The following KCNMA1 variants were observed in gnomAD, a reference collection of about 807,000 sequenced individuals.
The protein encoded by KCNMA1 is potassium calcium-activated channel subfamily M alpha 1, also known as Calcium-activated potassium channel subunit alpha-1.
In KCNMA1, 29 loss-of-function variants were observed where a neutral mutation model predicts 140.0. The observed-to-expected ratio is 0.21, with a 90% CI of 0.15 to 0.28. The LOEUF (loss-of-function observed/expected upper bound fraction) is 0.28, where lower values mean the gene tolerates loss of function less well. Ranked by LOEUF, KCNMA1 falls within the 10% of genes least tolerant of loss-of-function variation. KCNMA1 has a pLI of 1.00. For synonymous variants in KCNMA1, 612 were observed against 611.9 expected (o/e 1.00, Z 0.00); for missense variants, 880 against 1,602.2 (o/e 0.55, Z 7.70).
intron 1 of KCNMA1, among the ~76,000 whole-genome samples, chr10:77,567,876 G>C (rs1422407160): frequency 2.0e-5 from 3 of 152,182 alleles, no homozygotes; most frequent in Non-Finnish European, 4.4e-5. Flanking sequence ...TGGACTGCTT[G>C]AGCTCAGGAG....
chr10:77,134,072 T>A (rs549832289), intron 5 of KCNMA1, among the ~76,000 whole-genome samples: 75 of 152,174 alleles, frequency 4.9e-4, no homozygotes, highest in Non-Finnish European at 8.1e-4. Context: ...ATAATGGAAA[T>A]AAGTTTGAGA....
intron 1 of KCNMA1, among the ~76,000 whole-genome samples, chr10:77,419,123 G>T (rs2096809447): frequency 6.6e-6 from 1 of 152,184 alleles, no homozygotes; most frequent in Non-Finnish European, 1.5e-5. Context: ...TTACTGCTCA[G>T]CTACTGCACT....
chr10:76,893,609 G>A (rs1446259458), intron 25 of KCNMA1, among the ~76,000 whole-genome samples: 2 of 151,964 alleles, frequency 1.3e-5, no homozygotes, highest in Non-Finnish European at 2.9e-5. Flanking sequence ...GCATGGTGGC[G>A]GGCACCTGTA....
chr10:76,996,185 T>C (rs771372983), intron 19 of KCNMA1, among the ~76,000 whole-genome samples: 2 of 152,212 alleles, frequency 1.3e-5, no homozygotes, highest in African/African-American at 2.4e-5. Flanking sequence ...TCTTGACAGA[T>C]GAGCGATGTA....
At chr10:77,384,903 T>C (rs1211533890) in intron 2 of KCNMA1, among the ~76,000 whole-genome samples, 1 of 152,220 alleles carries the variant, frequency 6.6e-6, no homozygotes, top group Non-Finnish European at 1.5e-5. Context: ...CATGGTAACA[T>C]GAAAACAGCC....
chr10:77,561,289 A>G (rs904941424), intron 1 of KCNMA1, among the ~76,000 whole-genome samples: 1 of 152,224 alleles, frequency 6.6e-6, no homozygotes, highest in Admixed American at 6.5e-5. Context: ...CAGTGAATGT[A>G]TTAATGACAT....
chr10:77,549,204 C>T (rs1159166810), intron 1 of KCNMA1, among the ~76,000 whole-genome samples: 3 of 152,176 alleles, frequency 2.0e-5, no homozygotes, highest in Admixed American at 6.5e-5. Context: ...GAAGCTGAGG[C>T]CTGGAGCACT....
chr10:77,402,785 C>T (rs1044327017), intron 2 of KCNMA1, among the ~76,000 whole-genome samples: 5 of 152,150 alleles, frequency 3.3e-5, no homozygotes, highest in Admixed American at 1.3e-4. Flanking sequence ...CTTTGAGCCT[C>T]GCAGGCCTCA....
exon 30 of KCNMA1, chr10:76,877,886 C>A (rs763110311): frequency 1.2e-6 from 2 of 1,609,424 alleles, no homozygotes; most frequent in Non-Finnish European, 1.7e-6. Context: ...TAAACCATTT[C>A]TTTTCTGCTA....
intron 5 of KCNMA1, among the ~76,000 whole-genome samples, chr10:77,181,919 T>C (rs2098806077): frequency 6.6e-6 from 1 of 151,960 alleles, no homozygotes; most frequent in African/African-American, 2.4e-5. Context: ...CACATACATA[T>C]ATATATATAT....
chr10:77,153,432 C>T (rs1278311398), intron 5 of KCNMA1, among the ~76,000 whole-genome samples: 1 of 152,068 alleles, frequency 6.6e-6, no homozygotes, highest in African/African-American at 2.4e-5. Context: ...AGTCCAGTGG[C>T]ACCATCTTGG....
chr10:77,316,410 G>A (rs542301796), intron 2 of KCNMA1, among the ~76,000 whole-genome samples: 7 of 152,280 alleles, frequency 4.6e-5, no homozygotes, highest in South Asian at 2.1e-4. Flanking sequence ...AGGAAGACTC[G>A]TTGTAAAATA....
At chr10:76,975,495 G>T (rs1238995092) in intron 19 of KCNMA1, 1 of 152,236 alleles carries the variant, frequency 6.6e-6, no homozygotes, top group Non-Finnish European at 1.5e-5. Context: ...TGTGAATTTG[G>T]TAGTATGATT....
intron 1 of KCNMA1, among the ~76,000 whole-genome samples, chr10:77,618,846 A>G (rs1046477104): frequency 3.3e-5 from 5 of 152,246 alleles, no homozygotes; most frequent in African/African-American, 1.2e-4. Flanking sequence ...CCCGTTGTTA[A>G]TCACTTACCA....
chr10:77,160,023 G>A (rs569148185), intron 5 of KCNMA1, among the ~76,000 whole-genome samples: 1 of 152,340 alleles, frequency 6.6e-6, no homozygotes, highest in African/African-American at 2.4e-5. Flanking sequence ...AAAGAAATAA[G>A]TGGATGGAGG....
chr10:77,017,130 A>G (rs921214525), intron 17 of KCNMA1, among the ~76,000 whole-genome samples: 6 of 152,170 alleles, frequency 3.9e-5, no homozygotes, highest in African/African-American at 1.4e-4. Flanking sequence ...ACTCCCTAAT[A>G]TAGGAGGTAA....
At chr10:77,044,210 T>A (rs1049985026) in intron 14 of KCNMA1, among the ~76,000 whole-genome samples, 1 of 152,146 alleles carries the variant, frequency 6.6e-6, no homozygotes, top group African/African-American at 2.4e-5. Flanking sequence ...ACTTCAGTCT[T>A]TATACCTACC....
chr10:77,042,822 T>C (rs185675448), intron 14 of KCNMA1, among the ~76,000 whole-genome samples: 105 of 152,350 alleles, frequency 6.9e-4, no homozygotes, highest in Non-Finnish European at 1.1e-3. Context: ...CATGTTTGTT[T>C]TGAATTTAGC....
intron 2 of KCNMA1, among the ~76,000 whole-genome samples, chr10:77,256,025 G>A (rs912679751): frequency 3.5e-4 from 54 of 152,122 alleles, no homozygotes; most frequent in East Asian, 1.4e-3. Context: ...TGAAAATCCC[G>A]GTGGACCATG....
Sources: allele counts gnomAD v4.1 joint callset (sites outside exome capture counted in the v4.1 genomes callset), GRCh38; gene constraint gnomAD v4.1.1; transcripts MANE v1.5; gene names NCBI Gene and HGNC (gene_info 2026-07-23, HGNC 2026-07-21).